Variants in LMF1 observed in about 807,000 individuals in gnomAD.
LMF1 encodes transmembrane protein 112.
LMF1 carries 68 observed loss-of-function variants against 60.6 expected under a neutral mutation model. The ratio of observed to expected loss-of-function variants is 1.12; its 90% CI spans 0.92 to 1.37. The LOEUF is 1.37. LMF1 is among the 40% of genes most tolerant of loss of function. The probability of loss-of-function intolerance (pLI) is 0.00; values close to 1 mark genes in which losing one functional copy is unlikely to be tolerated. For missense variants in LMF1, 948 were observed against 767.2 expected (o/e 1.24, Z -2.78); for synonymous variants, 418 against 324.7 (o/e 1.29, Z -3.09).
At chr16:933,738 G>A (rs77540401) in intron 3 of LMF1, 105 of 327,714 alleles carry the variant, frequency 3.2e-4, no homozygotes, top group African/African-American at 2.0e-3. Flanking sequence ...CACATCCACC[G>A]TCCTCCCGGC....
At chr16:942,201 T>C (rs1029123993) in intron 2 of LMF1, among the ~76,000 whole-genome samples, 1 of 152,368 alleles carries the variant, frequency 6.6e-6, no homozygotes, top group African/African-American at 2.4e-5. Context: ...TTGACAATCG[T>C]TTTTCTTTAG....
chr16:977,331 C>T (rs890131889), intron 1 of LMF1, among the ~76,000 whole-genome samples: 4 of 152,190 alleles, frequency 2.6e-5, no homozygotes, highest in South Asian at 2.1e-4. Flanking sequence ...AGCTGACTCC[C>T]GAAGGGGGTC....
chr16:968,474 G>A (rs928523074), intron 1 of LMF1: 1 of 152,174 alleles, frequency 6.6e-6, no homozygotes, highest in East Asian at 1.9e-4. Flanking sequence ...ATGGCAACTT[G>A]GAAAAACCCT....
intron 3 of LMF1, among the ~76,000 whole-genome samples, chr16:930,088 G>A (rs12927578): frequency 0.34 from 32,395 of 96,218 alleles, 4,785 homozygotes; most frequent in African/African-American, 0.59. Flanking sequence ...CCGTCTGAAC[G>A]GGGGCGCAGG....
chr16:935,653 T>C (rs995371337), intron 2 of LMF1, among the ~76,000 whole-genome samples: 5 of 152,116 alleles, frequency 3.3e-5, no homozygotes, highest in Middle Eastern at 3.2e-3. Context: ...GAGCCGCGTG[T>C]GGACAAGCTT....
chr16:888,783 C>T (rs1316197298), intron 5 of LMF1, among the ~76,000 whole-genome samples: 2 of 152,110 alleles, frequency 1.3e-5, no homozygotes, highest in African/African-American at 4.8e-5. Flanking sequence ...AGAGCGAGGA[C>T]ACCACATCTG....
At chr16:925,405 G>A (rs1013399933) in intron 3 of LMF1, among the ~76,000 whole-genome samples, 16 of 152,286 alleles carry the variant, frequency 1.1e-4, no homozygotes, top group South Asian at 6.2e-4. Context: ...GTTAATGATC[G>A]TGTGAATGAG....
intron 3 of LMF1, among the ~76,000 whole-genome samples, chr16:931,090 C>T (rs1034541844): frequency 6.6e-6 from 1 of 151,952 alleles, no homozygotes; most frequent in African/African-American, 2.4e-5. Flanking sequence ...CACTGCTCTC[C>T]AGCCTGGGCG....
intron 4 of LMF1, among the ~76,000 whole-genome samples, chr16:894,984 G>A (rs986752866): frequency 5.3e-5 from 8 of 152,140 alleles, no homozygotes; most frequent in African/African-American, 1.4e-4. Context: ...GGATGGCCAC[G>A]AGGGAGGAAG....
chr16:891,624 C>T (rs972572755), intron 5 of LMF1, among the ~76,000 whole-genome samples: 8 of 124,946 alleles, frequency 6.4e-5, no homozygotes, highest in African/African-American at 2.9e-4. Flanking sequence ...TCTGGAGACA[C>T]GGGACCCCCC....
upstream of LMF1, among the ~76,000 whole-genome samples, chr16:974,168 T>TA (rs1312773917): frequency 6.6e-6 from 1 of 152,208 alleles, no homozygotes; most frequent in Non-Finnish European, 1.5e-5. Flanking sequence ...TCTAGCAGTT[T>TA]AAAAATAACA....
In LMF1 at chr16:954,552, C is replaced by G; in HGVS notation, c.308G>C (p.Ser103Thr). The G allele has an allele frequency of 6.2e-7, 1 of 1,613,320 alleles. No individual in the cohort carries two copies. The highest frequency in any genetic ancestry group is 8.5e-7 in the Non-Finnish European group (1 of 1,179,840). The change falls in exon 2 of 11, where the codon AGC (serine) becomes ACC (threonine). Residue 103 changes from serine (S) to threonine (T), a missense_variant. Coordinates refer to ENST00000262301, the MANE Select transcript of LMF1 (RefSeq NM_022773.4). ...GGGCATGTAGCTGAAGACTTCCCAG[C>G]TCGTCCTGTCCTGGAAGTACTGCTG... ...NFQQYFQDRT[S>T]WEVFSYMPTI...
rs1268817753 is a variant in LMF1, at chr16:890,320, C to T, written c.729+2687G>A. On this transcript the variant is annotated intron_variant, in intron 5 of 10. Transcript: ENST00000262301. Reference sequence around the variant, plus strand: ...GAAGCAAGAAAAGGGGCTCCTGGGCCCCGTCCCAACTCAGCGGGGCTCCCT... The same window carrying T: ...GAAGCAAGAAAAGGGGCTCCTGGGCTCCGTCCCAACTCAGCGGGGCTCCCT... 2.0e-5 allele frequency among the ~76,000 whole-genome samples: 3 copies of T among 152,232 alleles called. No individual in the cohort carries two copies. The East Asian group carries it at 5.8e-4, about 29-fold the overall frequency.
intron 10 of LMF1, among the ~76,000 whole-genome samples, chr16:863,459 T>C (rs1322323631): frequency 6.6e-6 from 1 of 152,222 alleles, no homozygotes; most frequent in Non-Finnish European, 1.5e-5. Context: ...TCATCTTTGA[T>C]ATTGGCAATC....
intron 2 of LMF1, among the ~76,000 whole-genome samples, chr16:939,191 A>C (rs8049417): frequency 1.3e-5 from 2 of 152,020 alleles, no homozygotes; most frequent in African/African-American, 4.8e-5. Flanking sequence ...TTTTCACTTA[A>C]AAACTCTCAG....
chr16:951,367 G>C (rs1597061223), intron 2 of LMF1, among the ~76,000 whole-genome samples: 1 of 152,236 alleles, frequency 6.6e-6, no homozygotes, highest in Non-Finnish European at 1.5e-5. Flanking sequence ...GCCAACGATG[G>C]AGTCAGAGCC....
chr16:862,494 A>G (rs1177757551), intron 10 of LMF1, among the ~76,000 whole-genome samples: 1 of 152,082 alleles, frequency 6.6e-6, no homozygotes, highest in Non-Finnish European at 1.5e-5. Context: ...ACTGAGGGAT[A>G]TTGGCTTGTA....
chr16:926,572 C>T (rs534329836), intron 3 of LMF1, among the ~76,000 whole-genome samples: 30 of 152,116 alleles, frequency 2.0e-4, no homozygotes, highest in African/African-American at 5.1e-4. Context: ...GAGGTTAACA[C>T]GGGGTGGATG....
In LMF1 at chr16:854,020, C is replaced by T. The variant is rs117039680; in HGVS notation, c.*512G>A. 0.017 allele frequency: 7,748 copies of T among 454,402 alleles called. 81 individuals are homozygous for T. Among genetic ancestry groups the T allele is most frequent in the Non-Finnish European group, 0.026 (5,859 of 227,016 alleles). The allele number at this position is 454,402 out of a possible 1,614,324, so 28.1% of individuals were successfully genotyped here. On this transcript the variant is annotated 3_prime_UTR_variant, in exon 11 of 11. Coordinates refer to ENST00000262301, the MANE Select transcript of LMF1 (RefSeq NM_022773.4). ...CATCCAACCCCACATCCTGGCCGGG[C>T]GTGTCCAGGTCCCTGTGGGGCGAGG...
Sources: allele counts gnomAD v4.1 joint callset (sites outside exome capture counted in the v4.1 genomes callset), GRCh38; gene constraint gnomAD v4.1.1; transcripts MANE v1.5; gene names NCBI Gene and HGNC (gene_info 2026-07-23, HGNC 2026-07-21).